Variants in TRAPPC8 observed in about 807,000 individuals in gnomAD.
TRAPPC8 encodes the protein trafficking protein particle complex subunit 8, also known as general sporulation gene 1 homolog.
Under a neutral mutation model 174.3 loss-of-function variants are expected in TRAPPC8, and 54 were observed. That is an observed-to-expected ratio of 0.31 (90% CI 0.25 to 0.39). The LOEUF (loss-of-function observed/expected upper bound fraction) is 0.39. TRAPPC8 is among the 10% of genes least tolerant of loss of function. The pLI, the probability that TRAPPC8 is intolerant of heterozygous loss-of-function variation, is 1.00. For synonymous variants in TRAPPC8, 630 were observed against 579.9 expected, an observed-to-expected ratio of 1.09 and a Z score of -1.24; for missense variants, 1,531 against 1,699.1, an observed-to-expected ratio of 0.90 and a Z score of 1.74.
Position 31,930,332 on chromosome 18 carries a change from C to A in TRAPPC8, c.352+997G>T, listed in dbSNP as rs141638306. Among the ~76,000 whole-genome samples the A allele has an allele frequency of 4.7e-3, 708 of 152,086 alleles. 8 individuals are homozygous for A. Among genetic ancestry groups the A allele is most frequent in the African/African-American group, 0.016 (670 of 41,488 alleles). On this transcript the variant is annotated intron_variant, in intron 2 of 28. Transcript: ENST00000283351. Reference sequence around the variant, plus strand: ...ACGGGGTTTCACTATGTTGGTCAGGCTGGTCTTGAACTCCTGACCTCAAGT... The same window carrying A: ...ACGGGGTTTCACTATGTTGGTCAGGATGGTCTTGAACTCCTGACCTCAAGT...
intron 26 of TRAPPC8, among the ~76,000 whole-genome samples, chr18:31,845,982 A>C (rs1661114173): frequency 6.6e-6 from 1 of 152,190 alleles, no homozygotes; most frequent in Non-Finnish European, 1.5e-5. Flanking sequence ...CAGCTGCTAC[A>C]CAACTCCAGA....
chr18:31,892,570 A>T (rs2036000416), intron 11 of TRAPPC8, among the ~76,000 whole-genome samples: 1 of 152,152 alleles, frequency 6.6e-6, no homozygotes, highest in South Asian at 2.1e-4. Flanking sequence ...CTGGAAGTAG[A>T]ACTGTGGAGT....
At position 31,832,155 on chromosome 18, in the gene TRAPPC8, G is replaced by A. The variant is rs753429214; in HGVS notation, c.4002C>T (p.Val1334=). Residue 1334 remains valine, a synonymous_variant, in exon 28 of 29, where the codon GTC becomes GTT. Transcript: ENST00000283351. The part of the protein sequence containing the change: ...FHQKSLCLVP[V]TLLLSNCSKA... ...TAGAACAATTGGAAAGTAAAAGAGT[G>A]ACTGGTACTAAACAAAGGCTATGGA... The A allele has an allele frequency of 7.8e-6, 12 of 1,541,986 alleles. No individual in the cohort carries two copies. In the South Asian group the frequency reaches 1.4e-4, roughly 18 times the overall value.
At chr18:31,859,898 C>A (rs970223920) in intron 19 of TRAPPC8, among the ~76,000 whole-genome samples, 3 of 152,022 alleles carry the variant, frequency 2.0e-5, no homozygotes, top group African/African-American at 7.2e-5. Context: ...CACCTGTAAT[C>A]CCAGCTACTC....
chr18:31,864,983 C>G (rs558973869), intron 18 of TRAPPC8, among the ~76,000 whole-genome samples: 1 of 152,108 alleles, frequency 6.6e-6, no homozygotes, highest in Admixed American at 6.5e-5. Flanking sequence ...TAATTTCTCA[C>G]TTGGTTTTAG....
chr18:31,863,025 C>G (rs537510232), intron 19 of TRAPPC8, among the ~76,000 whole-genome samples: 137 of 141,208 alleles, frequency 9.7e-4, no homozygotes, highest in African/African-American at 3.2e-3. Context: ...GCACTTCAGC[C>G]TGGGTGACAG....
intron 25 of TRAPPC8, 146 bp from the exon 26 acceptor site, chr18:31,846,963 A>G (rs1203061741): frequency 6.1e-6 from 3 of 493,960 alleles, no homozygotes; most frequent in Non-Finnish European, 1.1e-5. Context: ...TTCTACTTTT[A>G]GTTATTCATT....
chr18:31,853,791 T>C, intron 22 of TRAPPC8, 58 bp downstream of exon 22: 1 of 1,312,324 alleles, frequency 7.6e-7, no homozygotes, highest in South Asian at 1.3e-5. Context: ...GGTACTATTC[T>C]GGAAAACCAA....
intron 12 of TRAPPC8, among the ~76,000 whole-genome samples, chr18:31,888,971 A>C (rs1402163035): frequency 6.6e-6 from 1 of 152,202 alleles, no homozygotes; most frequent in Admixed American, 6.5e-5. Context: ...CTAGGCCTCA[A>C]GTCAGAATTA....
chr18:31,921,510 G>A (rs1281624108), intron 2 of TRAPPC8, among the ~76,000 whole-genome samples: 1 of 151,846 alleles, frequency 6.6e-6, no homozygotes, highest in Non-Finnish European at 1.5e-5. Context: ...CCAGCTACTC[G>A]GAGGCTGAGG....
intron 13 of TRAPPC8, 66 bp downstream of exon 13, chr18:31,874,414 T>C: frequency 7.9e-7 from 1 of 1,264,440 alleles, no homozygotes; most frequent in Non-Finnish European, 1.1e-6. Flanking sequence ...GATATGGTAA[T>C]AAATAAATAC....
intron 21 of TRAPPC8, among the ~76,000 whole-genome samples, chr18:31,854,662 C>G (rs543903767): frequency 8.7e-4 from 132 of 152,200 alleles, no homozygotes; most frequent in Non-Finnish European, 1.5e-3. Context: ...AGATCACACT[C>G]TCATCTTTGA....
chr18:31,838,257 T>A (rs2032881956), intron 27 of TRAPPC8, among the ~76,000 whole-genome samples: 1 of 152,240 alleles, frequency 6.6e-6, no homozygotes, highest in Non-Finnish European at 1.5e-5. Flanking sequence ...AATTTCACTT[T>A]TTTCAAATTC....
At chr18:31,886,181 G>A (rs1287330966) in intron 12 of TRAPPC8, among the ~76,000 whole-genome samples, 4 of 151,002 alleles carry the variant, frequency 2.6e-5, no homozygotes, top group South Asian at 2.1e-4. Flanking sequence ...AATTTTTTTC[G>A]TATTTTTAGT....
rs759332714 is a variant in TRAPPC8 at position 31,917,666 on chromosome 18, G to A, written c.354C>T (p.Ala118=). Residue 118 remains alanine, a splice_region_variant and synonymous_variant, in exon 3 of 29, where the codon GCC becomes GCT. Coordinates refer to ENST00000283351, the MANE Select transcript of TRAPPC8 (RefSeq NM_014939.5). ...TGTAAGACTCAAACCATGGAGTAGTGGCTAAAATTAACAATATACAAAACA... is the reference window on the plus strand; with the variant it reads ...TGTAAGACTCAAACCATGGAGTAGTAGCTAAAATTAACAATATACAAAACA... ...TAGDYDLNIS[A]TTPWFESYRE... The A allele has an allele frequency of 6.2e-7, 1 of 1,610,606 alleles. No homozygotes were observed. The highest frequency in any genetic ancestry group is 2.2e-5 in the East Asian group (1 of 44,770).
chr18:31,839,333 T>C lies in TRAPPC8; in HGVS notation c.3962A>G (p.Asn1321Ser), dbSNP rs1464554527. The change falls in exon 27 of 29, where the codon AAT (asparagine) becomes AGT (serine). Residue 1321 changes from asparagine to serine, a missense_variant. By Grantham distance (46) the Asn-to-Ser change is conservative. Coordinates refer to ENST00000283351, the MANE Select transcript of TRAPPC8 (RefSeq NM_014939.5). ...AAACCTTTTTTGATGAAATGGATGA[T>C]TAAATGATTCTGGGTAGTGAAGACT... Reference protein sequence around the residue: ...KTSLHYPESFNHPFHQKSLCL... With the variant: ...KTSLHYPESFSHPFHQKSLCL... The C allele has an allele frequency of 1.2e-6, 2 of 1,600,854 alleles. No individual in the cohort carries two copies. The highest frequency in any genetic ancestry group is 2.2e-5 in the East Asian group (1 of 44,582).
At chr18:31,903,867 AAAC>A (rs2036548431) in intron 9 of TRAPPC8, among the ~76,000 whole-genome samples, 1 of 151,956 alleles carries the variant, frequency 6.6e-6, no homozygotes, top group African/African-American at 2.4e-5. Flanking sequence ...TCAAAAAAAA[AAAC>A]AAACTCATTC....
intron 24 of TRAPPC8, 129 bp from the exon 25 acceptor site, chr18:31,849,868 A>T: frequency 2.7e-6 from 2 of 747,636 alleles, no homozygotes; most frequent in South Asian, 5.6e-5. Flanking sequence ...TACATACCCA[A>T]AATACTTATT....
intron 2 of TRAPPC8, among the ~76,000 whole-genome samples, chr18:31,920,780 A>C (rs533080013): frequency 6.6e-6 from 1 of 151,948 alleles, no homozygotes; most frequent in Non-Finnish European, 1.5e-5. Context: ...GTCTCTACTA[A>C]AAATGCAAAA....
Sources: allele counts gnomAD v4.1 joint callset (sites outside exome capture counted in the v4.1 genomes callset), GRCh38; gene constraint gnomAD v4.1.1; transcripts MANE v1.5; gene names NCBI Gene and HGNC (gene_info 2026-07-23, HGNC 2026-07-21).